The following PHKG2 variants were observed in gnomAD, a reference collection of about 807,000 sequenced individuals.
PHKG2 encodes phosphorylase b kinase gamma catalytic chain, liver/testis isoform.
Under a neutral mutation model 44.5 loss-of-function variants are expected in PHKG2, and 28 were observed. The ratio of observed to expected loss-of-function variants is 0.63; its 90% confidence interval spans 0.47 to 0.86. The LOEUF (loss-of-function observed/expected upper bound fraction) is 0.86, where lower values mean the gene tolerates loss of function less well. Among genes scored for constraint, PHKG2 ranks in the 40% least tolerant of loss-of-function variants. PHKG2 has a pLI of 0.00. For missense variants in PHKG2, 498 were observed against 547.5 expected (o/e 0.91, Z 0.90); for synonymous variants, 220 against 211.2 (o/e 1.04, Z -0.36).
intron 6 of PHKG2, chr16:30,755,237 C>T (rs1257992946): frequency 5.3e-6 from 1 of 188,800 alleles, no homozygotes; most frequent in Non-Finnish European, 1.1e-5. Flanking sequence ...GCGACCCTGT[C>T]TCTAAAAATA....
At position 30,757,551 on chromosome 16, in the gene PHKG2, C is replaced by G. The variant is rs982058785; in HGVS notation, c.*454C>G. ...CTAGTGCAGTCAACTTGCTGCTGAG[C>G]CTTTCCTCGCTGGCCTTGAGCCGCT... On this transcript the variant is annotated 3_prime_UTR_variant, in exon 10 of 10. Transcript: ENST00000563588. 4.3e-6 allele frequency: 7 copies of G among 1,614,104 alleles called. No individual in the cohort carries two copies. The highest frequency in any genetic ancestry group is 1.6e-4 in the Middle Eastern group (1 of 6,084).
chr16:30,759,027 G>T lies in PHKG2; in HGVS notation c.*1930G>T, dbSNP rs1356904067. ...AGATCCTCACTTGGCTCTGGCTCTG[G>T]TGGGGCCACTGTCTCTAGTTCCTCT... On this transcript the variant is annotated 3_prime_UTR_variant, in exon 10 of 10. Transcript: ENST00000563588. 1 of 1,614,104 alleles carries T rather than the reference G, an allele frequency of 6.2e-7. No homozygotes were observed. The highest frequency in any genetic ancestry group is 1.3e-5 in the African/African-American group (1 of 74,930).
rs2053714503 is a variant in PHKG2, at chr16:30,760,767, A to G, written c.*3670A>G. The G allele has an allele frequency of 9.0e-7, 1 of 1,108,948 alleles. No homozygotes were observed. Among genetic ancestry groups the G allele is most frequent in the Non-Finnish European group, 1.3e-6 (1 of 749,480 alleles). 68.7% of individuals were successfully genotyped at this position (1,108,948 alleles called of 1,614,324 possible). ...GACTGGGAGTTGGCCACCGGCGTGAAGCTGGGCTCTTTTGCCAGCTTGCTG... is the reference window on the plus strand; with the variant it reads ...GACTGGGAGTTGGCCACCGGCGTGAGGCTGGGCTCTTTTGCCAGCTTGCTG... On this transcript the variant is annotated 3_prime_UTR_variant, in exon 10 of 10. Coordinates refer to ENST00000563588, the MANE Select transcript of PHKG2 (RefSeq NM_000294.3).
rs1420779217 is a variant in PHKG2, at chr16:30,756,939, T to A, written c.1063T>A (p.Phe355Ile). 6.2e-7 allele frequency: 1 copy of A among 1,613,822 alleles called. No individual in the cohort carries two copies. Among genetic ancestry groups the A allele is most frequent in the South Asian group, 1.1e-5 (1 of 91,084 alleles). The change falls in exon 10 of 10, where the codon TTC (phenylalanine) becomes ATC (isoleucine). Residue 355 changes from phenylalanine (F) to isoleucine (I), a missense_variant. By Grantham distance (21) the Phe-to-Ile change is conservative. Coordinates refer to ENST00000563588, the MANE Select transcript of PHKG2 (RefSeq NM_000294.3). ...GCGGCACCTCATCGACAACTGTGCCTTCCGGCTCTACGGGCACTGGGTAAA... is the reference window on the plus strand; with the variant it reads ...GCGGCACCTCATCGACAACTGTGCCATCCGGCTCTACGGGCACTGGGTAAA... ...SVRHLIDNCA[F>I]RLYGHWVKKG...
At chr16:30,751,797 T>C in intron 4 of PHKG2, 194 bp downstream of exon 4, 1 of 693,322 alleles carries the variant, frequency 1.4e-6, no homozygotes, top group African/African-American at 1.7e-5. Flanking sequence ...GGCAAATTCT[T>C]TAATAGTGAC....
Position 30,757,211 on chromosome 16 carries a change from C to T in PHKG2, c.*114C>T, listed in dbSNP as rs1433357236. 3.3e-5 allele frequency: 53 copies of T among 1,590,648 alleles called. No homozygotes were observed. Among genetic ancestry groups the T allele is most frequent in the Middle Eastern group, 2.0e-4 (1 of 5,072 alleles). ...CTCAGGCCCACTAATGATCCTGCTA[C>T]CCTCTTGAAGACCAGCCCGGTACCT... On this transcript the variant is annotated 3_prime_UTR_variant, in exon 10 of 10. Coordinates refer to ENST00000563588, the MANE Select transcript of PHKG2 (RefSeq NM_000294.3).
rs1345065039 is a variant in PHKG2 at position 30,760,676 on chromosome 16, A to C, written c.*3579A>C. On this transcript the variant is annotated 3_prime_UTR_variant, in exon 10 of 10. Coordinates refer to ENST00000563588, the MANE Select transcript of PHKG2 (RefSeq NM_000294.3). ...TGGACGTCCAGGTACTTCCTGTTAT[A>C]GTAAAAGAAAAAGAGTATTGGTGGC... The C allele has an allele frequency of 3.3e-6, 5 of 1,523,076 alleles. No individual in the cohort carries two copies. The highest frequency in any genetic ancestry group is 4.4e-6 in the Non-Finnish European group (5 of 1,141,994). The allele number at this position is 1,523,076 out of a possible 1,614,324, so 94.3% of individuals were successfully genotyped here.
At chr16:30,754,708 T>G (rs539762291) in intron 6 of PHKG2, among the ~76,000 whole-genome samples, 1 of 152,170 alleles carries the variant, frequency 6.6e-6, no homozygotes, top group Non-Finnish European at 1.5e-5. Flanking sequence ...ACTTTTCCCG[T>G]TTGTGGAATC....
At chr16:30,756,768 C>A (rs1379408170) in intron 9 of PHKG2, 36 bp from the exon 10 acceptor site, 12 of 1,614,114 alleles carry the variant, frequency 7.4e-6, no homozygotes, top group Non-Finnish European at 9.3e-6. Context: ...CATGATCTTT[C>A]CCCTGCACTA....
At chr16:30,754,724 T>TGCCTCTGCCCACTGCATC (rs1567262403) in intron 6 of PHKG2, among the ~76,000 whole-genome samples, 1 of 152,228 alleles carries the variant, frequency 6.6e-6, no homozygotes, top group Non-Finnish European at 1.5e-5. Context: ...GAATCATCTT[T>TGCCTCTGCCCACTGCATC]GCCTCTGCCC....
At position 30,760,168 on chromosome 16, in the gene PHKG2, A is replaced by G; in HGVS notation, c.*3071A>G. On this transcript the variant is annotated 3_prime_UTR_variant, in exon 10 of 10. Transcript: ENST00000563588. ...CTGATGGCTTGTGTATGATGATGCTACTAATAATGACATATTCCAGGCAGA... is the reference window on the plus strand; with the variant it reads ...CTGATGGCTTGTGTATGATGATGCTGCTAATAATGACATATTCCAGGCAGA... The G allele has an allele frequency of 1.9e-6, 3 of 1,595,912 alleles. No homozygotes were observed. The highest frequency in any genetic ancestry group is 2.5e-6 in the Non-Finnish European group (3 of 1,176,612).
In PHKG2 at chr16:30,759,563, C is replaced by T; in HGVS notation, c.*2466C>T. 1 of 1,614,052 alleles carries T rather than the reference C, an allele frequency of 6.2e-7. No individual in the cohort carries two copies. Among genetic ancestry groups the T allele is most frequent in the East Asian group, 2.2e-5 (1 of 44,884 alleles). ...CAAGGAGAGCCCACTGGGGTCTTCA[C>T]AAGAAGATAAGGGTGATGAATGTGA... On this transcript the variant is annotated 3_prime_UTR_variant, in exon 10 of 10. Transcript: ENST00000563588.
chr16:30,749,759 A>G (rs1362756429), intron 2 of PHKG2, among the ~76,000 whole-genome samples: 1 of 152,218 alleles, frequency 6.6e-6, no homozygotes, highest in African/African-American at 2.4e-5. Context: ...TGCCTTCAAC[A>G]CAAAGCTCAA....
rs1211508386 is a variant in PHKG2, at chr16:30,759,756, C to T, written c.*2659C>T. The T allele has an allele frequency of 5.7e-6, 9 of 1,580,684 alleles. No homozygotes were observed. Among genetic ancestry groups the T allele is most frequent in the Non-Finnish European group, 7.7e-6 (9 of 1,163,968 alleles). On this transcript the variant is annotated 3_prime_UTR_variant, in exon 10 of 10. Coordinates refer to ENST00000563588, the MANE Select transcript of PHKG2 (RefSeq NM_000294.3). Reference sequence around the variant, plus strand: ...GGGAAAGCAAGATGCAGCAGTGAGGCCCTCTCTGGTATCCATTCATTCACT... The same window carrying T: ...GGGAAAGCAAGATGCAGCAGTGAGGTCCTCTCTGGTATCCATTCATTCACT...
Position 30,760,739 on chromosome 16 carries a change from T to A in PHKG2, c.*3642T>A. 7.1e-7 allele frequency: 1 copy of A among 1,415,344 alleles called. No individual in the cohort carries two copies. The highest frequency in any genetic ancestry group is 9.8e-7 in the Non-Finnish European group (1 of 1,024,882). 87.7% of individuals were successfully genotyped at this position (1,415,344 alleles called of 1,614,324 possible). On this transcript the variant is annotated 3_prime_UTR_variant, in exon 10 of 10. Transcript: ENST00000563588. ...TGACAAGGCTGTGACAGCTAGTGCG[T>A]GAGACTGGGAGTTGGCCACCGGCGT...
In PHKG2 at chr16:30,760,216, T is replaced by C; in HGVS notation, c.*3119T>C. ...AGAAATCCCCTGCTTCTGCTTCCCA[T>C]GGTCACTTGTGCCAGGCCCGGTTCC... On this transcript the variant is annotated 3_prime_UTR_variant, in exon 10 of 10. Transcript: ENST00000563588. 6.2e-7 allele frequency: 1 copy of C among 1,612,312 alleles called. No homozygotes were observed. The highest frequency in any genetic ancestry group is 1.1e-5 in the South Asian group (1 of 91,084).
Position 30,757,092 on chromosome 16 carries a change from G to A in PHKG2, c.1216G>A (p.Gly406Ser). Reference protein sequence around the residue: ...ITEDEAVLVLG With the variant: ...ITEDEAVLVLS Reference sequence around the variant, plus strand: ...TGAGGATGAGGCCGTGCTTGTGCTGGGCTAGGACCTCAACCCCAGGGATTC... The same window carrying A: ...TGAGGATGAGGCCGTGCTTGTGCTGAGCTAGGACCTCAACCCCAGGGATTC... Residue 406 changes from glycine (G) to serine (S), a missense_variant, in exon 10 of 10, where the codon GGC (glycine) becomes AGC (serine). By Grantham distance (56) the Gly-to-Ser change is moderately conservative. Transcript: ENST00000563588. 6.2e-7 allele frequency: 1 copy of A among 1,613,242 alleles called. No individual in the cohort carries two copies.
rs2053480436 is a variant in PHKG2, at chr16:30,757,782, C to T, written c.*685C>T. The T allele has an allele frequency of 7.0e-7, 1 of 1,432,706 alleles. No homozygotes were observed. Among genetic ancestry groups the T allele is most frequent in the African/African-American group, 1.4e-5 (1 of 69,720 alleles). The allele number at this position is 1,432,706 out of a possible 1,614,324, so 88.7% of individuals were successfully genotyped here. ...GGATATAGAGGTAGCAATGTTGTTT[C>T]CCTTTAGGAAATGTTAGCAAGCCCT... On this transcript the variant is annotated 3_prime_UTR_variant, in exon 10 of 10. Transcript: ENST00000563588.
In PHKG2 at chr16:30,757,711, G is replaced by A; in HGVS notation, c.*614G>A. 2 of 1,548,616 alleles carry A rather than the reference G, an allele frequency of 1.3e-6. No individual in the cohort carries two copies. Among genetic ancestry groups the A allele is most frequent in the Non-Finnish European group, 1.7e-6 (2 of 1,146,796 alleles). ...GGAGAGATGCTGTCTGGCAATGGGG[G>A]GATGGTCCCTAGTTGGGCAAACAGT... On this transcript the variant is annotated 3_prime_UTR_variant, in exon 10 of 10. Coordinates refer to ENST00000563588, the MANE Select transcript of PHKG2 (RefSeq NM_000294.3).
Sources: allele counts gnomAD v4.1 joint callset (sites outside exome capture counted in the v4.1 genomes callset), GRCh38; gene constraint gnomAD v4.1.1; transcripts MANE v1.5; gene names NCBI Gene and HGNC (gene_info 2026-07-23, HGNC 2026-07-21).